The following PCSK5 variants were observed in gnomAD, a reference collection of about 807,000 sequenced individuals.
The protein encoded by PCSK5 is proprotein convertase subtilisin/kexin type 5, also known as prohormone convertase 5.
Under a neutral mutation model 233.2 loss-of-function variants are expected in PCSK5, and 129 were observed. The observed-to-expected ratio is 0.55, with a 90% confidence interval of 0.48 to 0.64. The LOEUF (loss-of-function observed/expected upper bound fraction) is 0.64. Ranked by LOEUF, PCSK5 falls within the 30% of genes least tolerant of loss-of-function variation. The pLI, the probability that PCSK5 is intolerant of heterozygous loss-of-function variation, is 0.00. For synonymous variants in PCSK5, 825 were observed against 879.2 expected (o/e 0.94, Z 1.09); for missense variants, 2,076 against 2,430.1 (o/e 0.85, Z 3.06).
intron 2 of PCSK5, among the ~76,000 whole-genome samples, chr9:75,972,796 T>C (rs1825862332): frequency 6.6e-6 from 1 of 152,208 alleles, no homozygotes; most frequent in African/African-American, 2.4e-5. Context: ...TCCTATTTTC[T>C]TTCCTCCTTC....
intron 24 of PCSK5, among the ~76,000 whole-genome samples, chr9:76,243,761 T>C (rs936805882): frequency 5.6e-5 from 7 of 124,066 alleles, no homozygotes; most frequent in African/African-American, 2.2e-4. Context: ...CAGGACATAA[T>C]AAATATGAAT....
intron 24 of PCSK5, among the ~76,000 whole-genome samples, chr9:76,274,468 C>T (rs560130475): frequency 6.6e-6 from 1 of 151,994 alleles, no homozygotes; most frequent in African/African-American, 2.4e-5. Flanking sequence ...CTTATGTGGT[C>T]TATGTTTTTA....
rs139260450 is a variant in PCSK5 at position 75,970,766 on chromosome 9, C to T, written c.298-15366C>T. On this transcript the variant is annotated intron_variant, in intron 2 of 37. Coordinates refer to ENST00000674117, the MANE Select transcript of PCSK5 (RefSeq NM_001372043.1). ...CCTCCCGAGTAGCTGGGACTACCGG[C>T]GCACACTGCCACGCCTGGTTAATTT... Among the ~76,000 whole-genome samples, 17 of 152,048 alleles carry T rather than the reference C, an allele frequency of 1.1e-4. No individual in the cohort carries two copies. The East Asian group carries it at 2.1e-3, about 19-fold the overall frequency.
chr9:76,281,099 G>T (rs866542142), intron 24 of PCSK5, among the ~76,000 whole-genome samples: 4 of 152,232 alleles, frequency 2.6e-5, no homozygotes, highest in African/African-American at 9.6e-5. Flanking sequence ...ATAAAAGTGC[G>T]AGGTGAAGCA....
chr9:76,331,616 A>G (rs908327668), intron 33 of PCSK5, among the ~76,000 whole-genome samples: 3 of 151,650 alleles, frequency 2.0e-5, no homozygotes, highest in African/African-American at 7.3e-5. Flanking sequence ...GCAGTGAGCC[A>G]AGATTGTGCC....
intron 24 of PCSK5, among the ~76,000 whole-genome samples, chr9:76,250,456 A>G (rs1416381887): frequency 6.6e-6 from 1 of 152,246 alleles, no homozygotes; most frequent in African/African-American, 2.4e-5. Context: ...AAACATCACC[A>G]GGGATAAATC....
Position 76,248,306 on chromosome 9 carries a change from G to C in PCSK5, c.3142+7622G>C, listed in dbSNP as rs138077745. On this transcript the variant is annotated intron_variant, in intron 24 of 37. Transcript: ENST00000674117. ...TTCATAACAAATGACATAGTAAGTA[G>C]TGTGAATGGACTCCCACTAGCCAAA... Among the ~76,000 whole-genome samples, 408 of 152,210 alleles carry C rather than the reference G, an allele frequency of 2.7e-3. 2 individuals carry two copies. The highest frequency in any genetic ancestry group is 9.5e-3 in the African/African-American group (394 of 41,514).
intron 3 of PCSK5, among the ~76,000 whole-genome samples, chr9:76,013,519 T>C (rs1404308345): frequency 6.6e-6 from 1 of 152,198 alleles, no homozygotes; most frequent in African/African-American, 2.4e-5. Flanking sequence ...AGATGTAGCC[T>C]TCAGTAAAAA....
chr9:76,068,374 A>G (rs928841779), intron 6 of PCSK5, among the ~76,000 whole-genome samples: 1 of 152,226 alleles, frequency 6.6e-6, no homozygotes, highest in Non-Finnish European at 1.5e-5. Flanking sequence ...AACTAATAAT[A>G]TAAACATTAG....
chr9:76,045,129 T>G (rs910481392), intron 5 of PCSK5, among the ~76,000 whole-genome samples: 1 of 152,234 alleles, frequency 6.6e-6, no homozygotes, highest in African/African-American at 2.4e-5. Flanking sequence ...CAAATGTAAG[T>G]TATTTATTGG....
At chr9:76,097,092 C>A (rs954132802) in intron 8 of PCSK5, among the ~76,000 whole-genome samples, 7 of 150,578 alleles carry the variant, frequency 4.6e-5, no homozygotes, top group Non-Finnish European at 8.9e-5. Context: ...CCACCATGCC[C>A]GGCTAATTTT....
At chr9:75,909,746 G>A (rs893439565) in intron 1 of PCSK5, among the ~76,000 whole-genome samples, 1 of 152,192 alleles carries the variant, frequency 6.6e-6, no homozygotes, top group Non-Finnish European at 1.5e-5. Flanking sequence ...AAATGGAAGT[G>A]GGCAAAAACA....
At position 76,338,296 on chromosome 9, in the gene PCSK5, C is replaced by G; in HGVS notation, c.4815C>G (p.Gly1605=). 1 of 1,612,532 alleles carries G rather than the reference C, an allele frequency of 6.2e-7. No individual in the cohort carries two copies. The highest frequency in any genetic ancestry group is 1.3e-5 in the African/African-American group (1 of 75,036). Reference sequence around the variant, plus strand: ...ACAGGAGCTGCAAGGGGTGCCAGGGCCCACGGCCCACAGACTGCCTGTCTT... The same window carrying G: ...ACAGGAGCTGCAAGGGGTGCCAGGGGCCACGGCCCACAGACTGCCTGTCTT... ...RCNRSCKGCQ[G]PRPTDCLSCD... is the part of the protein sequence containing the mutation. The change falls in exon 35 of 38, where the codon GGC becomes GGG. Residue 1605 remains glycine (G), a synonymous_variant. Coordinates refer to ENST00000674117, the MANE Select transcript of PCSK5 (RefSeq NM_001372043.1).
chr9:75,909,471 G>A (rs1053198762), intron 1 of PCSK5, among the ~76,000 whole-genome samples: 5 of 152,080 alleles, frequency 3.3e-5, no homozygotes, highest in African/African-American at 7.2e-5. Flanking sequence ...CGAGGCGGGC[G>A]AATCACCTGA....
At chr9:75,994,400 C>CTTTTTTTTTTTTTTTTTTTTTTTTT (rs550518074) in intron 3 of PCSK5, among the ~76,000 whole-genome samples, 5 of 82,062 alleles carry the variant, frequency 6.1e-5, no homozygotes, top group Non-Finnish European at 8.5e-5. Flanking sequence ...TTCTTTCTTT[C>CTTTTTTTTTTTTTTTTTTTTTTTTT]TTTTTTTTTT....
At chr9:76,108,654 G>A (rs949134518) in intron 9 of PCSK5, among the ~76,000 whole-genome samples, 2 of 152,200 alleles carry the variant, frequency 1.3e-5, no homozygotes, top group South Asian at 4.1e-4. Flanking sequence ...TGGGGAGGCT[G>A]AGGCAGGGAA....
At chr9:76,251,989 C>G (rs374948175) in intron 24 of PCSK5, among the ~76,000 whole-genome samples, 1 of 151,912 alleles carries the variant, frequency 6.6e-6, no homozygotes, top group Admixed American at 6.6e-5. Context: ...TAAAAGAGGC[C>G]GGGCGTGGTG....
At chr9:76,141,314 AT>A (rs1023806671) in intron 10 of PCSK5, among the ~76,000 whole-genome samples, 2 of 151,848 alleles carry the variant, frequency 1.3e-5, no homozygotes, top group African/African-American at 2.4e-5. Context: ...TTCAACAATC[AT>A]TTTCTTATTT....
chr9:76,230,209 G>A (rs897131467), intron 21 of PCSK5, among the ~76,000 whole-genome samples: 2 of 152,180 alleles, frequency 1.3e-5, no homozygotes, highest in Non-Finnish European at 2.9e-5. Context: ...ATAACTCAGT[G>A]CCTTCACTTA....
Sources: allele counts gnomAD v4.1 joint callset (sites outside exome capture counted in the v4.1 genomes callset), GRCh38; gene constraint gnomAD v4.1.1; transcripts MANE v1.5; gene names NCBI Gene and HGNC (gene_info 2026-07-23, HGNC 2026-07-21).